The following TMEM108 variants were observed in gnomAD, a reference collection of about 807,000 sequenced individuals.
TMEM108 encodes transmembrane protein 108.
Under a neutral mutation model 35.1 loss-of-function variants are expected in TMEM108, and 12 were observed. That is an observed-to-expected ratio of 0.34 (90% CI 0.22 to 0.55). The LOEUF is 0.55. Ranked by LOEUF, TMEM108 falls within the 20% of genes least tolerant of loss-of-function variation. TMEM108 has a pLI of 0.89. For synonymous variants in TMEM108, 287 were observed against 308.6 expected (o/e 0.93, Z 0.73); for missense variants, 680 against 753.3 (o/e 0.90, Z 1.14).
chr3:133,357,343 T>TA lies in TMEM108; in HGVS notation c.41-22405dup, dbSNP rs534793611. Among the ~76,000 whole-genome samples, 1,020 of 152,258 alleles carry TA rather than the reference T, an allele frequency of 6.7e-3. 17 individuals carry two copies. The highest frequency in any genetic ancestry group is 0.023 in the African/African-American group (958 of 41,542). On this transcript the variant is annotated intron_variant, in intron 3 of 5. Transcript: ENST00000321871. ...CACTGTTGGTGGAAATGTAAATTAGTAAAACCACTATGGAAAACAGTATGG... is the reference window on the plus strand; with the variant it reads ...CACTGTTGGTGGAAATGTAAATTAGTAAAAACCACTATGGAAAACAGTATGG...
At chr3:133,311,586 G>C (rs544400401) in intron 3 of TMEM108, among the ~76,000 whole-genome samples, 1 of 152,052 alleles carries the variant, frequency 6.6e-6, no homozygotes, top group Non-Finnish European at 1.5e-5. Flanking sequence ...TCTTCTCTAC[G>C]CTGTTTATTC....
chr3:133,044,801 GA>G (rs1380176826), intron 1 of TMEM108, among the ~76,000 whole-genome samples: 2 of 152,022 alleles, frequency 1.3e-5, no homozygotes, highest in African/African-American at 2.4e-5. Flanking sequence ...ATACATTTAA[GA>G]AAAAATTAGC....
At chr3:133,176,712 G>A (rs1411719045) in intron 2 of TMEM108, among the ~76,000 whole-genome samples, 1 of 152,110 alleles carries the variant, frequency 6.6e-6, no homozygotes, top group Non-Finnish European at 1.5e-5. Context: ...ACAAGAGAAA[G>A]CAGGAAAGAT....
intron 3 of TMEM108, among the ~76,000 whole-genome samples, chr3:133,250,978 A>C (rs1946460874): frequency 6.6e-6 from 1 of 152,120 alleles, no homozygotes. Flanking sequence ...CAAGACAAGA[A>C]TCTCTTGAAT....
intron 1 of TMEM108, among the ~76,000 whole-genome samples, chr3:133,040,497 C>T (rs985531930): frequency 1.1e-4 from 16 of 151,922 alleles, no homozygotes; most frequent in Admixed American, 7.9e-4. Context: ...GCCACCATGC[C>T]GGCCAGAAAA....
chr3:133,117,372 G>T (rs549936498), intron 2 of TMEM108, among the ~76,000 whole-genome samples: 1 of 152,246 alleles, frequency 6.6e-6, no homozygotes, highest in South Asian at 2.1e-4. Context: ...TCTCTGTTTT[G>T]TATCTGGACT....
At chr3:133,205,104 T>A (rs113839814) in intron 2 of TMEM108, among the ~76,000 whole-genome samples, 161 of 151,282 alleles carry the variant, frequency 1.1e-3, no homozygotes, top group Non-Finnish European at 1.6e-3. Flanking sequence ...AGTCTGTTTA[T>A]CAGAGACTAG....
At chr3:133,180,009 A>G (rs1431661014) in intron 2 of TMEM108, among the ~76,000 whole-genome samples, 3 of 152,164 alleles carry the variant, frequency 2.0e-5, no homozygotes, top group Admixed American at 6.6e-5. Context: ...CATTATGAAT[A>G]TAGGTTCAAA....
intron 2 of TMEM108, among the ~76,000 whole-genome samples, chr3:133,212,739 G>A (rs1468413532): frequency 1.3e-5 from 2 of 151,788 alleles, no homozygotes; most frequent in African/African-American, 2.4e-5. Context: ...TGTGGTGCAT[G>A]CCTGGAATCC....
intron 3 of TMEM108, among the ~76,000 whole-genome samples, chr3:133,352,488 T>A (rs1398965948): frequency 2.6e-5 from 4 of 152,206 alleles, no homozygotes; most frequent in Non-Finnish European, 5.9e-5. Flanking sequence ...CCCACAAGAC[T>A]GCTCCCACTT....
Position 133,210,977 on chromosome 3 carries a change from G to T in TMEM108, c.-46-18289G>T, listed in dbSNP as rs1029101192. Reference sequence around the variant, plus strand: ...TCTTTATACTAGCTTAAGACTTAAAGAAGTTTTTATGTGGATTCAAGTGGA... The same window carrying T: ...TCTTTATACTAGCTTAAGACTTAAATAAGTTTTTATGTGGATTCAAGTGGA... On this transcript the variant is annotated intron_variant, in intron 2 of 5. Transcript: ENST00000321871. 1.6e-4 allele frequency among the ~76,000 whole-genome samples: 25 copies of T among 152,214 alleles called. 1 individual carries two copies. Among genetic ancestry groups the T allele is most frequent in the East Asian group, 3.9e-4 (2 of 5,194 alleles).
intron 2 of TMEM108, among the ~76,000 whole-genome samples, chr3:133,086,843 G>T (rs922196415): frequency 4.6e-5 from 7 of 152,176 alleles, no homozygotes; most frequent in African/African-American, 1.7e-4. Context: ...TGTGCGGTTG[G>T]CCATACAACC....
chr3:133,069,774 T>G (rs927942741), intron 2 of TMEM108, among the ~76,000 whole-genome samples: 56 of 152,202 alleles, frequency 3.7e-4, no homozygotes, highest in African/African-American at 1.2e-3. Context: ...AGGCTTTGTC[T>G]GTCTGTTTGG....
intron 2 of TMEM108, among the ~76,000 whole-genome samples, chr3:133,152,721 G>A (rs909716334): frequency 1.3e-5 from 2 of 152,152 alleles, no homozygotes; most frequent in East Asian, 1.9e-4. Flanking sequence ...ACATGTTTAA[G>A]CTGCTTTCTG....
chr3:133,324,758 AT>A (rs373808039), intron 3 of TMEM108, among the ~76,000 whole-genome samples: 1,554 of 152,322 alleles, frequency 0.01, 25 homozygotes, highest in African/African-American at 0.034. Flanking sequence ...TGGATGGATC[AT>A]GAGGTCAGGA....
At chr3:133,356,605 G>T (rs1190139376) in intron 3 of TMEM108, among the ~76,000 whole-genome samples, 1 of 152,124 alleles carries the variant, frequency 6.6e-6, no homozygotes, top group Non-Finnish European at 1.5e-5. Flanking sequence ...AAACAGCATG[G>T]TACTTATATA....
At chr3:133,348,681 G>GACTTAC (rs1367106808) in intron 3 of TMEM108, among the ~76,000 whole-genome samples, 1 of 152,112 alleles carries the variant, frequency 6.6e-6, no homozygotes, top group East Asian at 1.9e-4. Context: ...GGTGTAGGGT[G>GACTTAC]AGGCAACTCC....
At chr3:133,108,581 C>G (rs1397142127) in intron 2 of TMEM108, among the ~76,000 whole-genome samples, 1 of 151,946 alleles carries the variant, frequency 6.6e-6, no homozygotes, top group African/African-American at 2.4e-5. Flanking sequence ...CCTGTTCACT[C>G]TGATGGTAGT....
intron 3 of TMEM108, among the ~76,000 whole-genome samples, chr3:133,338,452 A>G (rs767785631): frequency 3.9e-5 from 6 of 152,080 alleles, no homozygotes; most frequent in Non-Finnish European, 7.4e-5. Context: ...TAGTGTATCC[A>G]GTGAAAATAT....
Sources: allele counts gnomAD v4.1 joint callset (sites outside exome capture counted in the v4.1 genomes callset), GRCh38; gene constraint gnomAD v4.1.1; transcripts MANE v1.5; gene names NCBI Gene and HGNC (gene_info 2026-07-23, HGNC 2026-07-21).